Variants in PLXDC2 observed in about 807,000 individuals in gnomAD.
PLXDC2 encodes plexin domain containing 2.
In PLXDC2, 40 loss-of-function variants were observed where a neutral mutation model predicts 68.9. The observed-to-expected ratio is 0.58, with a 90% CI of 0.45 to 0.76. The LOEUF is 0.76. PLXDC2 is among the 30% of genes least tolerant of loss of function. The pLI is 0.00. For synonymous variants in PLXDC2, 243 were observed against 234.2 expected (o/e 1.04, Z -0.34); for missense variants, 644 against 661.9 (o/e 0.97, Z 0.30).
At chr10:20,215,502 A>G (rs1355772517) in intron 10 of PLXDC2, among the ~76,000 whole-genome samples, 1 of 151,920 alleles carries the variant, frequency 6.6e-6, no homozygotes, top group Non-Finnish European at 1.5e-5. Context: ...CTCCCTTTGC[A>G]AACTGGAATT....
chr10:20,067,764 A>G (rs111942716), intron 3 of PLXDC2, among the ~76,000 whole-genome samples: 1 of 152,048 alleles, frequency 6.6e-6, no homozygotes, highest in Non-Finnish European at 1.5e-5. Flanking sequence ...GCTTTTCATT[A>G]TGGGATGTAT....
intron 9 of PLXDC2, among the ~76,000 whole-genome samples, chr10:20,182,613 G>T (rs1230927351): frequency 6.6e-6 from 1 of 151,722 alleles, no homozygotes; most frequent in African/African-American, 2.4e-5. Flanking sequence ...GGGTTGGGTG[G>T]TAAATAAGTA....
chr10:19,961,376 G>C (rs1834151700), intron 1 of PLXDC2, among the ~76,000 whole-genome samples: 1 of 152,238 alleles, frequency 6.6e-6, no homozygotes. Flanking sequence ...GCACATCTGA[G>C]TATGTGTAAC....
In PLXDC2 at chr10:19,827,564, CTT is replaced by C. The variant is rs57646240; in HGVS notation, c.112+10386_112+10387del. Among the ~76,000 whole-genome samples, 183 of 145,786 alleles carry C rather than the reference CTT, an allele frequency of 1.3e-3. 1 individual carries two copies. The highest frequency in any genetic ancestry group is 1.3e-3 in the African/African-American group (52 of 39,598). On this transcript the variant is annotated intron_variant, in intron 1 of 13. Transcript: ENST00000377252. Reference sequence around the variant, plus strand: ...TCATAACAATTTTCTTTTTCTTTTTCTTTTTTTTTTTTTTAAGACAGAGTCTC... The same window carrying C: ...TCATAACAATTTTCTTTTTCTTTTTCTTTTTTTTTTTTAAGACAGAGTCTC...
chr10:20,191,042 A>T (rs1448704012), intron 9 of PLXDC2, among the ~76,000 whole-genome samples: 1 of 152,000 alleles, frequency 6.6e-6, no homozygotes, highest in Non-Finnish European at 1.5e-5. Context: ...TTTGAAGGAA[A>T]TTATGTGTTA....
intron 2 of PLXDC2, among the ~76,000 whole-genome samples, chr10:20,019,386 G>C (rs919156758): frequency 2.0e-5 from 3 of 152,042 alleles, no homozygotes; most frequent in Admixed American, 2.0e-4. Flanking sequence ...TACTGATTTG[G>C]GCAGACCCTT....
chr10:20,200,715 A>G (rs1834905551), intron 9 of PLXDC2, among the ~76,000 whole-genome samples: 1 of 152,150 alleles, frequency 6.6e-6, no homozygotes, highest in South Asian at 2.1e-4. Flanking sequence ...TAGGTAAATG[A>G]CCTGAACAGA....
intron 1 of PLXDC2, among the ~76,000 whole-genome samples, chr10:19,976,417 G>A (rs975463606): frequency 1.3e-5 from 2 of 152,132 alleles, no homozygotes; most frequent in South Asian, 2.1e-4. Context: ...GTTTCACTCT[G>A]TTGGCCAGGC....
chr10:20,214,604 G>T (rs1564356012), intron 10 of PLXDC2, among the ~76,000 whole-genome samples: 1 of 152,190 alleles, frequency 6.6e-6, no homozygotes, highest in Non-Finnish European at 1.5e-5. Flanking sequence ...TTTGAGTGGG[G>T]AGGGGAATAA....
At chr10:20,108,382 G>T (rs1833518295) in intron 4 of PLXDC2, among the ~76,000 whole-genome samples, 1 of 152,154 alleles carries the variant, frequency 6.6e-6, no homozygotes, top group Non-Finnish European at 1.5e-5. Context: ...CTTAGGAAAT[G>T]TACTAAGGTG....
intron 3 of PLXDC2, among the ~76,000 whole-genome samples, chr10:20,060,013 CT>C (rs1836071685): frequency 6.6e-6 from 1 of 151,974 alleles, no homozygotes. Flanking sequence ...CTGTCAACCA[CT>C]TTTTAGTTTA....
At chr10:19,956,236 G>T (rs1398022572) in intron 1 of PLXDC2, among the ~76,000 whole-genome samples, 2 of 152,122 alleles carry the variant, frequency 1.3e-5, no homozygotes, top group Non-Finnish European at 2.9e-5. Context: ...TAATTGACTG[G>T]AAATATTAGT....
At chr10:20,129,385 T>C (rs1248472515) in intron 4 of PLXDC2, among the ~76,000 whole-genome samples, 1 of 152,058 alleles carries the variant, frequency 6.6e-6, no homozygotes, top group Non-Finnish European at 1.5e-5. Flanking sequence ...TTAGCAGATA[T>C]GTAATTTGCA....
At chr10:19,855,965 G>T (rs1255755845) in intron 1 of PLXDC2, among the ~76,000 whole-genome samples, 1 of 152,062 alleles carries the variant, frequency 6.6e-6, no homozygotes, top group African/African-American at 2.4e-5. Context: ...CCTGGTGGCA[G>T]GTGCCTGTAA....
At chr10:20,080,338 CA>C (rs1258966020) in intron 4 of PLXDC2, among the ~76,000 whole-genome samples, 1 of 149,236 alleles carries the variant, frequency 6.7e-6, no homozygotes, top group Non-Finnish European at 1.5e-5. Flanking sequence ...CTCACATGAT[CA>C]AAAGGCGAAG....
At chr10:19,819,410 A>T (rs1038608032) in intron 1 of PLXDC2, among the ~76,000 whole-genome samples, 4 of 152,190 alleles carry the variant, frequency 2.6e-5, no homozygotes, top group African/African-American at 9.7e-5. Flanking sequence ...CTGAATATAT[A>T]AAAAAAGCAA....
intron 12 of PLXDC2, among the ~76,000 whole-genome samples, chr10:20,222,605 A>G (rs1019874746): frequency 5.3e-5 from 8 of 152,218 alleles, no homozygotes; most frequent in Non-Finnish European, 1.2e-4. Context: ...AATTGAAACA[A>G]AAGAGAAAGA....
intron 13 of PLXDC2, among the ~76,000 whole-genome samples, chr10:20,253,220 A>T (rs1479432039): frequency 2.0e-5 from 3 of 151,586 alleles, no homozygotes; most frequent in African/African-American, 7.3e-5. Flanking sequence ...CAAAAATTAG[A>T]TGGGCATGGT....
chr10:20,067,919 A>C (rs6482085), intron 3 of PLXDC2, among the ~76,000 whole-genome samples: 103,856 of 152,104 alleles, frequency 0.68, 37,940 homozygotes, highest in East Asian at 1. Flanking sequence ...ATCATCAAGA[A>C]TGAACTGATT....
Sources: gnomAD v4.1 joint callset for allele counts (sites outside exome capture counted in the v4.1 genomes callset) on GRCh38, gnomAD v4.1.1 for gene constraint, MANE v1.5 for transcripts, NCBI Gene and HGNC (gene_info 2026-07-23, HGNC 2026-07-21) for gene names.